Variants in MBTPS2 observed in about 807,000 individuals in gnomAD.
MBTPS2 encodes the protein membrane bound transcription factor peptidase, site 2.
MBTPS2 carries 2 observed loss-of-function variants against 35.4 expected under a neutral mutation model. The ratio of observed to expected loss-of-function variants is 0.06; its 90% CI spans 0.02 to 0.18. The LOEUF (loss-of-function observed/expected upper bound fraction) is 0.18, where lower values mean the gene tolerates loss of function less well. Ranked by LOEUF, MBTPS2 falls within the 10% of genes least tolerant of loss-of-function variation. The pLI, the probability that MBTPS2 is intolerant of heterozygous loss-of-function variation, is 1.00. For synonymous variants in MBTPS2, 125 were observed against 140.4 expected (o/e 0.89, Z 0.77); for missense variants, 244 against 386.5 (o/e 0.63, Z 3.09).
At chrX:21,855,853 A>G (rs2092920363) in intron 5 of MBTPS2, 1 of 110,221 alleles carries the variant, frequency 9.1e-6, no homozygotes, top group African/African-American at 3.3e-5. Flanking sequence ...TCCGTCTCAA[A>G]AAAAAAAAAA....
intron 7 of MBTPS2, among the ~76,000 whole-genome samples, chrX:21,876,125 A>G (rs1234630003): frequency 1.8e-5 from 2 of 112,353 alleles, no homozygotes; most frequent in African/African-American, 6.5e-5. Flanking sequence ...GAATTCCTAA[A>G]CAACTTTTTA....
At chrX:21,854,634 CAAGT>C (rs2092918357) in intron 5 of MBTPS2, among the ~76,000 whole-genome samples, 2 of 111,775 alleles carry the variant, frequency 1.8e-5, no homozygotes, top group South Asian at 7.4e-4. Flanking sequence ...CTTACTGTAT[CAAGT>C]AACAAACCAT....
intron 5 of MBTPS2, chrX:21,857,246 C>A (rs1347426005): frequency 8.3e-7 from 1 of 1,211,849 alleles, no homozygotes; most frequent in African/African-American, 1.7e-5. Context: ...CCAAAACAGT[C>A]CCTTGCTCTT....
At chrX:21,856,596 G>C (rs2092922968) in intron 5 of MBTPS2, 1 of 1,212,031 alleles carries the variant, frequency 8.3e-7, no homozygotes, top group African/African-American at 1.7e-5. Flanking sequence ...CATTCCGACG[G>C]AAAGCGTCCA....
At chrX:21,850,580 G>A (rs771197651) in intron 3 of MBTPS2, among the ~76,000 whole-genome samples, 10 of 111,442 alleles carry the variant, frequency 9.0e-5, no homozygotes, top group African/African-American at 2.9e-4. Context: ...TTCTCAGTAT[G>A]TAAATGGTAT....
At chrX:21,843,113 C>A in intron 1 of MBTPS2, 57 bp from the exon 2 acceptor site, 8 of 963,970 alleles carry the variant, frequency 8.3e-6, no homozygotes, top group Non-Finnish European at 1.2e-5. Flanking sequence ...TATTTTCTTA[C>A]ACATTATAAA....
In MBTPS2 at chrX:21,839,684, A is replaced by G; in HGVS notation, c.-51A>G. On this transcript the variant is annotated 5_prime_UTR_variant, in exon 1 of 11. Coordinates refer to ENST00000379484, the MANE Select transcript of MBTPS2 (RefSeq NM_015884.4). Reference sequence around the variant, plus strand: ...GCGCGCGGTCAGCTGTTGGCGGTGCAGGGAGGAGGACGCCGGGGCTCGCCT... The same window carrying G: ...GCGCGCGGTCAGCTGTTGGCGGTGCGGGGAGGAGGACGCCGGGGCTCGCCT... The G allele has an allele frequency of 8.8e-7, 1 of 1,134,247 alleles. No homozygotes were observed. The allele number at this position is 1,134,247 out of a possible 1,213,427, so 93.5% of individuals were successfully genotyped here.
chrX:21,866,447 T>C (rs2092939848), intron 5 of MBTPS2, among the ~76,000 whole-genome samples: 1 of 111,551 alleles, frequency 9.0e-6, no homozygotes, highest in Non-Finnish European at 1.9e-5. Context: ...TTCAGTTTGG[T>C]GATTAATTAC....
rs376078662 is a variant in MBTPS2, at chrX:21,856,505, C to G, written c.670+3002C>G. On this transcript the variant is annotated intron_variant, in intron 5 of 10. Transcript: ENST00000379484. Reference sequence around the variant, plus strand: ...CAGCCATGGCCTCCAACGAAGATTTCTCCATCACACAAGACCTGGAGATCC... The same window carrying G: ...CAGCCATGGCCTCCAACGAAGATTTGTCCATCACACAAGACCTGGAGATCC... The G allele has an allele frequency of 1.7e-6, 2 of 1,208,989 alleles. No homozygotes were observed. The highest frequency in any genetic ancestry group is 2.2e-6 in the Non-Finnish European group (2 of 893,859).
At position 21,856,421 on chromosome X, in the gene MBTPS2, A is replaced by T. The variant is rs749265612; in HGVS notation, c.670+2918A>T. ...CCCCTTCCTCTGCAGCTCCCACCTC[A>T]CTCCCCTCAGCGTTCTTTTTCCCAC... is the stretch of plus-strand genomic sequence containing the variant. On this transcript the variant is annotated intron_variant, in intron 5 of 10. Transcript: ENST00000379484. 3.8e-5 allele frequency: 42 copies of T among 1,115,949 alleles called. No homozygotes were observed. The East Asian group carries it at 1.1e-3, about 30-fold the overall frequency. The allele number at this position is 1,115,949 out of a possible 1,213,427, so 92.0% of individuals were successfully genotyped here.
chrX:21,875,850 C>G (rs927148201), intron 7 of MBTPS2, among the ~76,000 whole-genome samples: 1 of 112,152 alleles, frequency 8.9e-6, no homozygotes, highest in Non-Finnish European at 1.9e-5. Flanking sequence ...CTTGAACTGG[C>G]CGTCAACAGT....
intron 1 of MBTPS2, among the ~76,000 whole-genome samples, chrX:21,840,635 T>A (rs1290917344): frequency 8.9e-6 from 1 of 112,190 alleles, no homozygotes; most frequent in Admixed American, 9.4e-5. Flanking sequence ...ATATGTGGAA[T>A]AAGATCATAT....
intron 7 of MBTPS2, chrX:21,873,012 G>T (rs1159429238): frequency 9.0e-6 from 1 of 111,104 alleles, no homozygotes; most frequent in Non-Finnish European, 1.9e-5. Context: ...TCAATTTAGA[G>T]TAGAATTCAG....
At chrX:21,844,840 T>C (rs372957048) in intron 2 of MBTPS2, among the ~76,000 whole-genome samples, 3 of 112,444 alleles carry the variant, frequency 2.7e-5, no homozygotes, top group East Asian at 5.5e-4. Context: ...AGGATGGATG[T>C]CTATAACGTC....
chrX:21,883,117 G>C lies in MBTPS2; in HGVS notation c.*462G>C, dbSNP rs1247011439. 6 of 767,291 alleles carry C rather than the reference G, an allele frequency of 7.8e-6. No individual in the cohort carries two copies. The highest frequency in any genetic ancestry group is 9.3e-6 in the Non-Finnish European group (6 of 646,533). The allele number at this position is 767,291 out of a possible 1,213,427, so 63.2% of individuals were successfully genotyped here. On this transcript the variant is annotated 3_prime_UTR_variant, in exon 11 of 11. Transcript: ENST00000379484. ...GCCTGTATCTCTTGTCCTTTGTCTT[G>C]TTTGAAAAGTATTTTAAAACTTAAT...
chrX:21,849,390 A>C (rs988695183), intron 3 of MBTPS2, among the ~76,000 whole-genome samples: 1 of 111,958 alleles, frequency 8.9e-6, no homozygotes, highest in African/African-American at 3.2e-5. Context: ...AGGACCAAAA[A>C]ATGGTCAAAA....
At chrX:21,865,723 A>T (rs184255308) in intron 5 of MBTPS2, among the ~76,000 whole-genome samples, 5,005 of 112,123 alleles carry the variant, frequency 0.045, 88 homozygotes, top group African/African-American at 0.059. Context: ...TTGAGTTGTT[A>T]TTTTACCTAT....
chrX:21,848,687 A>G (rs932229337), intron 3 of MBTPS2, among the ~76,000 whole-genome samples: 1 of 111,107 alleles, frequency 9.0e-6, no homozygotes, highest in African/African-American at 3.3e-5. Flanking sequence ...TCAAAAAAAT[A>G]TATAAATAAA....
chrX:21,861,553 A>C (rs181707364), intron 5 of MBTPS2, among the ~76,000 whole-genome samples: 21 of 111,180 alleles, frequency 1.9e-4, no homozygotes, highest in African/African-American at 6.5e-4. Flanking sequence ...ATAAATTTAA[A>C]AGCAAATAGG....
Sources: gnomAD v4.1 joint callset for allele counts (sites outside exome capture counted in the v4.1 genomes callset) on GRCh38, gnomAD v4.1.1 for gene constraint, MANE v1.5 for transcripts, NCBI Gene and HGNC (gene_info 2026-07-23, HGNC 2026-07-21) for gene names.